Variants in UBXN7 observed in about 807,000 individuals in gnomAD.
UBXN7 encodes UBX domain protein 7.
UBXN7 carries 9 observed loss-of-function variants against 58.0 expected under a neutral mutation model. That is an observed-to-expected ratio of 0.16 (90% confidence interval 0.09 to 0.27). UBXN7 has a LOEUF of 0.27. Among genes scored for constraint, UBXN7 ranks in the 10% least tolerant of loss-of-function variants. The probability of loss-of-function intolerance (pLI) is 1.00; values close to 1 mark genes in which losing one functional copy is unlikely to be tolerated. For missense variants in UBXN7, 328 were observed against 599.6 expected (o/e 0.55, Z 4.73); for synonymous variants, 208 against 205.0 (o/e 1.01, Z -0.12).
At chr3:196,414,968 A>G (rs1730436139) in intron 1 of UBXN7, among the ~76,000 whole-genome samples, 2 of 152,172 alleles carry the variant, frequency 1.3e-5, no homozygotes, top group African/African-American at 4.8e-5. Flanking sequence ...AAGTTCTAAT[A>G]TCCCCACAGC....
chr3:196,366,644 C>T (rs1728675651), intron 8 of UBXN7, among the ~76,000 whole-genome samples: 1 of 152,130 alleles, frequency 6.6e-6, no homozygotes, highest in South Asian at 2.1e-4. Context: ...AGAATCCCAA[C>T]ATTTTGGGAG....
rs1404538663 is a variant in UBXN7, at chr3:196,353,428, T to C, written c.*3257A>G. ...TTTTCTCTTCTCCAGTTCCTTCCGATACCAATTTCAAAAAAGTATTCCTCT... is the reference window on the plus strand; with the variant it reads ...TTTTCTCTTCTCCAGTTCCTTCCGACACCAATTTCAAAAAAGTATTCCTCT... On this transcript the variant is annotated 3_prime_UTR_variant, in exon 11 of 11. Coordinates refer to ENST00000296328, the MANE Select transcript of UBXN7 (RefSeq NM_015562.2). The C allele has an allele frequency of 6.6e-6, 1 of 152,138 alleles. No individual in the cohort carries two copies. The highest frequency in any genetic ancestry group is 2.4e-5 in the African/African-American group (1 of 41,428). The allele number at this position is 152,138 out of a possible 1,614,324, so 9.4% of individuals were successfully genotyped here.
At chr3:196,391,331 A>G (rs1217534795) in intron 5 of UBXN7, among the ~76,000 whole-genome samples, 2 of 152,180 alleles carry the variant, frequency 1.3e-5, no homozygotes, top group South Asian at 2.1e-4. Context: ...TATTGCTGGT[A>G]GAAATATAAA....
Position 196,430,426 on chromosome 3 carries a change from G to T in UBXN7, c.73+1901C>A, listed in dbSNP as rs1014898401. On this transcript the variant is annotated intron_variant, in intron 1 of 10. Coordinates refer to ENST00000296328, the MANE Select transcript of UBXN7 (RefSeq NM_015562.2). ...TCTTTTTGAGAAATGATCTTGCTCT[G>T]TTGCCAGGGATGGAGCGCAGTGGTA... Among the ~76,000 whole-genome samples the T allele has an allele frequency of 7.9e-5, 12 of 151,660 alleles. 1 individual carries two copies. The highest frequency in any genetic ancestry group is 7.9e-4 in the Admixed American group (12 of 15,204).
intron 2 of UBXN7, among the ~76,000 whole-genome samples, chr3:196,405,070 C>T (rs35959625): frequency 0.37 from 56,356 of 151,842 alleles, 11,247 homozygotes; most frequent in East Asian, 0.84. Context: ...TGCTTGAACC[C>T]GAGAGGAGGA....
At chr3:196,401,274 A>AAAAAATATATATATAT (rs1553852955) in intron 3 of UBXN7, among the ~76,000 whole-genome samples, 1 of 36,880 alleles carries the variant, frequency 2.7e-5, no homozygotes, top group Non-Finnish European at 4.4e-5. Context: ...AAAAAAAAAA[A>AAAAAATATATATATAT]ATATATATAT....
chr3:196,432,039 G>A, intron 1 of UBXN7: 1 of 557,926 alleles, frequency 1.8e-6, no homozygotes, highest in South Asian at 2.0e-5. Flanking sequence ...CCGGGCCGGC[G>A]GGGGCGGACG....
Position 196,361,938 on chromosome 3 carries a change from T to TAAAAAAAAA in UBXN7, c.1229-24_1229-16dup. The TAAAAAAAAA allele has an allele frequency of 7.0e-7, 1 of 1,421,468 alleles. No homozygotes were observed. 88.1% of individuals were successfully genotyped at this position (1,421,468 alleles called of 1,614,324 possible). On this transcript the variant is annotated splice_polypyrimidine_tract_variant and intron_variant, in intron 9 of 10. Coordinates refer to ENST00000296328, the MANE Select transcript of UBXN7 (RefSeq NM_015562.2). ...TGCTTTTGGTCCTAAAGGAAGGGTT[T>TAAAAAAAAA]AAAAAAAAAAAAAAAACGGGATACA... is the stretch of plus-strand genomic sequence containing the variant.
intron 5 of UBXN7, among the ~76,000 whole-genome samples, chr3:196,381,772 A>C (rs1468034317): frequency 6.6e-6 from 1 of 152,262 alleles, no homozygotes; most frequent in Non-Finnish European, 1.5e-5. Flanking sequence ...TAACTAGAAT[A>C]AACAGTGTAG....
chr3:196,362,889 AC>A (rs1177072733), intron 8 of UBXN7, among the ~76,000 whole-genome samples: 1 of 151,754 alleles, frequency 6.6e-6, no homozygotes, highest in Non-Finnish European at 1.5e-5. Context: ...ACACACACAC[AC>A]GTTTTTGTTG....
At chr3:196,364,310 G>C (rs1385956204) in intron 8 of UBXN7, among the ~76,000 whole-genome samples, 1 of 152,088 alleles carries the variant, frequency 6.6e-6, no homozygotes, top group Non-Finnish European at 1.5e-5. Flanking sequence ...GGATATTTCA[G>C]GATATTACAG....
intron 2 of UBXN7, 87 bp downstream of exon 2, chr3:196,407,159 A>G: frequency 1.3e-6 from 2 of 1,518,092 alleles, no homozygotes. Context: ...TTATTTCAAA[A>G]CCAGAGAATC....
At chr3:196,363,054 G>A (rs771809006) in intron 8 of UBXN7, among the ~76,000 whole-genome samples, 64 of 151,744 alleles carry the variant, frequency 4.2e-4, no homozygotes, top group Middle Eastern at 6.8e-3. Flanking sequence ...ACAAGCGCCC[G>A]CCACCACGCC....
chr3:196,377,901 G>C (rs1434079206), intron 5 of UBXN7, among the ~76,000 whole-genome samples: 2 of 151,946 alleles, frequency 1.3e-5, no homozygotes, highest in African/African-American at 4.8e-5. Context: ...CGAACTCCTG[G>C]GCTCAAGTGA....
chr3:196,361,585 A>G (rs1056312635), intron 10 of UBXN7, among the ~76,000 whole-genome samples: 1 of 152,184 alleles, frequency 6.6e-6, no homozygotes, highest in South Asian at 2.1e-4. Context: ...CATCACCCCA[A>G]TCAGTCAGTA....
In UBXN7 at chr3:196,407,512, ATGAC is replaced by A. The variant is rs907755009; in HGVS notation, c.74-123_74-120del. 49 of 1,365,484 alleles carry A rather than the reference ATGAC, an allele frequency of 3.6e-5. No homozygotes were observed. The African/African-American group carries it at 6.7e-4, about 19-fold the overall frequency. The allele number at this position is 1,365,484 out of a possible 1,614,324, so 84.6% of individuals were successfully genotyped here. On this transcript the variant is annotated intron_variant, in intron 1 of 10. Transcript: ENST00000296328. ...ATAGTATTTTTCCCTTTTAGAATGA[ATGAC>A]TTTCTTGTGAAATACACAGAGCTAG...
chr3:196,407,264 G>C lies in UBXN7; in HGVS notation c.203C>G (p.Thr68Ser). 2 of 1,614,078 alleles carry C rather than the reference G, an allele frequency of 1.2e-6. No individual in the cohort carries two copies. Among genetic ancestry groups the C allele is most frequent in the Non-Finnish European group, 1.7e-6 (2 of 1,180,014 alleles). ...TTCATACTCTGTGTGTGGTCTGACA[G>C]TAGAGACACTTGCTGAACTGGTACT... ...EPSTSSASVS[T>S]VRPHTEEEVR... Residue 68 changes from threonine (T) to serine (S), a missense_variant, in exon 2 of 11, where the codon ACT becomes AGT. Transcript: ENST00000296328.
chr3:196,366,905 G>A (rs1229955524), intron 8 of UBXN7, among the ~76,000 whole-genome samples: 5 of 151,906 alleles, frequency 3.3e-5, no homozygotes, highest in African/African-American at 7.3e-5. Context: ...AAAACAGGAC[G>A]GGCGCGTTAG....
chr3:196,387,935 A>G (rs1261891999), intron 5 of UBXN7, among the ~76,000 whole-genome samples: 3 of 152,158 alleles, frequency 2.0e-5, no homozygotes, highest in Non-Finnish European at 4.4e-5. Flanking sequence ...CAGCAATCCT[A>G]TTACTGGGTA....
Sources: gnomAD v4.1 joint callset for allele counts (sites outside exome capture counted in the v4.1 genomes callset) on GRCh38, gnomAD v4.1.1 for gene constraint, MANE v1.5 for transcripts, NCBI Gene and HGNC (gene_info 2026-07-23, HGNC 2026-07-21) for gene names.